ZNF184: variants seen among roughly 807,000 people sequenced by gnomAD.
ZNF184 encodes the protein zinc finger protein 184 (Kruppel-like).
In ZNF184, 16 loss-of-function variants were observed where a neutral mutation model predicts 54.4. The observed-to-expected ratio is 0.29, with a 90% CI of 0.20 to 0.45. The LOEUF (loss-of-function observed/expected upper bound fraction) is 0.45, where lower values mean the gene tolerates loss of function less well. Among genes scored for constraint, ZNF184 ranks in the 20% least tolerant of loss-of-function variants. ZNF184 has a pLI of 1.00. For missense variants in ZNF184, 681 were observed against 888.2 expected (o/e 0.77, Z 2.97); for synonymous variants, 254 against 295.3 (o/e 0.86, Z 1.43).
chr6:27,430,963 C>T, the ZNF184 span, among the ~76,000 whole-genome samples: 1 of 151,872 alleles, frequency 6.6e-6, no homozygotes, highest in Non-Finnish European at 1.5e-5. Context: ...AACAAGAGGT[C>T]CCTGAAAATA....
the ZNF184 span, among the ~76,000 whole-genome samples, chr6:27,421,747 C>T: frequency 1.3e-5 from 2 of 152,232 alleles, no homozygotes; most frequent in African/African-American, 4.8e-5. Context: ...TTGAACCGTC[C>T]GAGGCAACTA....
At chr6:27,423,711 TTAGA>T in the ZNF184 span, among the ~76,000 whole-genome samples, 17 of 151,678 alleles carry the variant, frequency 1.1e-4, no homozygotes, top group African/African-American at 3.9e-4. Flanking sequence ...CTTTTACAAT[TTAGA>T]TATTTATATA....
intron 3 of ZNF184, among the ~76,000 whole-genome samples, chr6:27,461,466 C>T (rs1215077042): frequency 6.6e-6 from 1 of 152,044 alleles, no homozygotes; most frequent in Non-Finnish European, 1.5e-5. Flanking sequence ...TAGAGTAAGG[C>T]TACACTAGAT....
chr6:27,452,408 T>G lies in ZNF184; in HGVS notation c.1151A>C (p.His384Pro). ...STHLTQHQKIHTGEKTYKCNE... is the reference protein window; with the variant it reads ...STHLTQHQKIPTGEKTYKCNE... ...ACATTTATAGGTTTTTTCTCCAGTA[T>G]GAATTTTTTGATGTTGAGTAAGGTG... The change falls in exon 6 of 6, where the codon CAT becomes CCT. Residue 384 changes from histidine to proline, a missense_variant. Physicochemically the swap from His to Pro is moderately conservative, Grantham distance 77. Coordinates refer to ENST00000683788, the MANE Select transcript of ZNF184 (RefSeq NM_001318891.2). The surrounding 1 kb of genome is among the most constrained non-coding windows in gnomAD (Gnocchi z 5.5). 6.2e-7 allele frequency: 1 copy of G among 1,614,010 alleles called. No individual in the cohort carries two copies. Among genetic ancestry groups the G allele is most frequent in the Non-Finnish European group, 8.5e-7 (1 of 1,179,984 alleles).
intron 4 of ZNF184, 109 bp downstream of exon 4, chr6:27,457,174 A>G: frequency 6.9e-7 from 1 of 1,445,194 alleles, no homozygotes. Context: ...CAAAAACTAG[A>G]AATTTAGAAA....
downstream of ZNF184, among the ~76,000 whole-genome samples, chr6:27,449,082 G>A (rs572523966): frequency 6.6e-5 from 10 of 152,178 alleles, no homozygotes; most frequent in African/African-American, 1.7e-4. Context: ...ACTAAGTTAC[G>A]TGACATTTTC....
At chr6:27,470,307 G>T (rs1049727869) in intron 2 of ZNF184, among the ~76,000 whole-genome samples, 2 of 152,140 alleles carry the variant, frequency 1.3e-5, no homozygotes, top group Non-Finnish European at 2.9e-5. Context: ...CACCATGCTG[G>T]CAACAGTGTG....
At chr6:27,456,772 A>T in intron 5 of ZNF184, 54 bp downstream of exon 5, 1 of 1,467,400 alleles carries the variant, frequency 6.8e-7, no homozygotes, top group South Asian at 1.2e-5. Context: ...ATCCTCTCTT[A>T]TCAGGCTGAC....
chr6:27,443,659 C>T, the ZNF184 span, among the ~76,000 whole-genome samples: 1 of 152,114 alleles, frequency 6.6e-6, no homozygotes, highest in Non-Finnish European at 1.5e-5. Context: ...TCCAAACTAC[C>T]AGGCCCTATC....
chr6:27,424,343 C>G, the ZNF184 span, among the ~76,000 whole-genome samples: 1 of 152,184 alleles, frequency 6.6e-6, no homozygotes, highest in Admixed American at 6.5e-5. Context: ...AAGAACAAAG[C>G]TTCCACAGGG....
At chr6:27,456,187 A>G (rs12529839) in intron 5 of ZNF184, among the ~76,000 whole-genome samples, 106,394 of 151,722 alleles carry the variant, frequency 0.7, 37,297 homozygotes, top group Middle Eastern at 0.79. Flanking sequence ...AAGCCTGGGA[A>G]GCAGAAGCTG....
rs1762779823 is a variant in ZNF184, at chr6:27,453,256, C to G, written c.303G>C (p.Trp101Cys). 6.3e-7 allele frequency: 1 copy of G among 1,580,744 alleles called. No homozygotes were observed. Among genetic ancestry groups the G allele is most frequent in the Admixed American group, 1.9e-5 (1 of 51,908 alleles). ...ACACACTATTTTCAAGTCTTGTCTC[C>G]CAGTCTAAAAGAAAAAGAAAATTCC... The part of the protein sequence containing the change: ...PSIPVGTCAD[W>C]ETRLENSVSA... The change falls in exon 6 of 6, where the codon TGG becomes TGC. Residue 101 changes from tryptophan to cysteine, a missense_variant. Transcript: ENST00000683788. The surrounding 1 kb of genome is among the most constrained non-coding windows in gnomAD (Gnocchi z 4.7).
chr6:27,416,734 A>G, the ZNF184 span, among the ~76,000 whole-genome samples: 1 of 152,078 alleles, frequency 6.6e-6, no homozygotes, highest in Non-Finnish European at 1.5e-5. Context: ...TCTTATTTGG[A>G]TCTCACTGAC....
chr6:27,428,113 G>C, the ZNF184 span, among the ~76,000 whole-genome samples: 3 of 152,142 alleles, frequency 2.0e-5, no homozygotes, highest in Admixed American at 2.0e-4. This position sits in a 1 kb window ranked among gnomAD's most constrained non-coding sequence, Gnocchi z 4.1. Context: ...ACTGGCCTCT[G>C]CTTTGAATCT....
rs1763294882 is a variant in ZNF184, at chr6:27,472,255, T to C, written c.7+33A>G. The C allele has an allele frequency of 6.2e-7, 1 of 1,613,394 alleles. No individual in the cohort carries two copies. Among genetic ancestry groups the C allele is most frequent in the Admixed American group, 1.7e-5 (1 of 59,956 alleles). ...AGTCATGACTGTTCTCAAGCCTCCA[T>C]CACCCCGCTCTCCCCCAAGTCGACC... On this transcript the variant is annotated intron_variant, in intron 2 of 5. Transcript: ENST00000683788. This position sits in a 1 kb window ranked among gnomAD's most constrained non-coding sequence, Gnocchi z 4.8.
At chr6:27,423,423 C>A in the ZNF184 span, among the ~76,000 whole-genome samples, 1 of 152,100 alleles carries the variant, frequency 6.6e-6, no homozygotes, top group Non-Finnish European at 1.5e-5. Flanking sequence ...ATTTTCCAAG[C>A]CTATTACATT....
the ZNF184 span, among the ~76,000 whole-genome samples, chr6:27,414,319 CTT>C: frequency 6.6e-6 from 1 of 152,264 alleles, no homozygotes; most frequent in East Asian, 1.9e-4. Flanking sequence ...CAGAAGAATC[CTT>C]TTTAATTGTT....
chr6:27,452,245 T>C lies in ZNF184; in HGVS notation c.1314A>G (p.Lys438=). The change falls in exon 6 of 6, where the codon AAA becomes AAG. Residue 438 remains lysine (K), a synonymous_variant. Coordinates refer to ENST00000683788, the MANE Select transcript of ZNF184 (RefSeq NM_001318891.2). This position sits in a 1 kb window ranked among gnomAD's most constrained non-coding sequence, Gnocchi z 5.5. ...SQHSNLTQHQ[K]THTGEKPYDC... ...CATAGGGTTTCTCCCCAGTATGAGT[T>C]TTTTGATGCTGAGTGAGGTTTGAGT... The C allele has an allele frequency of 6.2e-7, 1 of 1,614,126 alleles. No individual in the cohort carries two copies. The highest frequency in any genetic ancestry group is 8.5e-7 in the Non-Finnish European group (1 of 1,180,012).
At chr6:27,408,551 T>C in the ZNF184 span, among the ~76,000 whole-genome samples, 1 of 152,208 alleles carries the variant, frequency 6.6e-6, no homozygotes, top group African/African-American at 2.4e-5. Flanking sequence ...ATATCAAATA[T>C]TGAGTTCAGC....
Sources: gnomAD v4.1 joint callset for allele counts (sites outside exome capture counted in the v4.1 genomes callset) on GRCh38, gnomAD v4.1.1 for gene constraint, Gnocchi (gnomAD v3.1) non-coding constraint, MANE v1.5 for transcripts, NCBI Gene and HGNC (gene_info 2026-07-23, HGNC 2026-07-21) for gene names.